PTPN11: variants seen among roughly 807,000 people sequenced by gnomAD.
PTPN11 encodes protein tyrosine phosphatase non-receptor type 11, also known as tyrosine-protein phosphatase non-receptor type 11.
A neutral mutation model predicts 78.8 loss-of-function variants in PTPN11; 6 were observed. The ratio of observed to expected loss-of-function variants is 0.08; its 90% CI spans 0.04 to 0.15. The LOEUF is 0.15. Among genes scored for constraint, PTPN11 ranks in the 10% least tolerant of loss-of-function variants. The pLI, the probability that PTPN11 is intolerant of heterozygous loss-of-function variation, is 1.00. For missense variants in PTPN11, 386 were observed against 744.8 expected, an observed-to-expected ratio of 0.52 and a Z score of 5.61; for synonymous variants, 221 against 263.5, an observed-to-expected ratio of 0.84 and a Z score of 1.56.
At chr12:112,472,433 T>C (rs907361713) in intron 6 of PTPN11, among the ~76,000 whole-genome samples, 2 of 152,260 alleles carry the variant, frequency 1.3e-5, no homozygotes, top group East Asian at 1.9e-4. Flanking sequence ...AACATTCTTT[T>C]GTATGAACAA....
intron 1 of PTPN11, among the ~76,000 whole-genome samples, chr12:112,426,064 C>G (rs990691142): frequency 4.6e-5 from 7 of 152,168 alleles, no homozygotes; most frequent in Admixed American, 2.0e-4. Flanking sequence ...GACTGTTTCC[C>G]CACATCACTG....
intron 6 of PTPN11, among the ~76,000 whole-genome samples, chr12:112,470,216 G>C (rs921309685): frequency 6.6e-6 from 1 of 152,220 alleles, no homozygotes; most frequent in African/African-American, 2.4e-5. Context: ...ATTCTAACCA[G>C]CTCCCAGGTG....
At chr12:112,432,698 G>T (rs919853972) in intron 1 of PTPN11, among the ~76,000 whole-genome samples, 1 of 151,040 alleles carries the variant, frequency 6.6e-6, no homozygotes, top group Non-Finnish European at 1.5e-5. Flanking sequence ...AATATTATGG[G>T]CCCAGCCACA....
chr12:112,450,912 C>T (rs1299853524), intron 3 of PTPN11, among the ~76,000 whole-genome samples: 2 of 152,202 alleles, frequency 1.3e-5, no homozygotes, highest in East Asian at 1.9e-4. Context: ...ATGTCACCAA[C>T]AGATGTCAGT....
chr12:112,467,227 C>T (rs2135887146), intron 6 of PTPN11, among the ~76,000 whole-genome samples: 1 of 152,286 alleles, frequency 6.6e-6, no homozygotes, highest in East Asian at 1.9e-4. Flanking sequence ...TGGATCAGGA[C>T]ATTGACTTTC....
chr12:112,485,813 G>A (rs1388908832), intron 10 of PTPN11, among the ~76,000 whole-genome samples: 2 of 151,618 alleles, frequency 1.3e-5, no homozygotes, highest in Non-Finnish European at 2.9e-5. Context: ...AAACCCCATC[G>A]CTACTAAAAA....
chr12:112,476,400 TAA>T (rs1352029994), intron 7 of PTPN11, among the ~76,000 whole-genome samples: 1 of 152,166 alleles, frequency 6.6e-6, no homozygotes, highest in African/African-American at 2.4e-5. Flanking sequence ...TTTATACGAA[TAA>T]TAGACTTTTG....
At chr12:112,451,723 A>T (rs1436011675) in intron 3 of PTPN11, among the ~76,000 whole-genome samples, 1 of 152,220 alleles carries the variant, frequency 6.6e-6, no homozygotes, top group East Asian at 1.9e-4. Flanking sequence ...AAGACACTGG[A>T]GGCTGTTGAA....
chr12:112,436,688 C>T (rs1203367841), intron 1 of PTPN11, among the ~76,000 whole-genome samples: 1 of 148,342 alleles, frequency 6.7e-6, no homozygotes, highest in African/African-American at 2.5e-5. Context: ...CATTTCATTG[C>T]TTTTATAATA....
At chr12:112,499,543 T>C (rs536556729) in intron 13 of PTPN11, among the ~76,000 whole-genome samples, 3 of 152,232 alleles carry the variant, frequency 2.0e-5, no homozygotes, top group South Asian at 2.1e-4. Context: ...TGTCACCATG[T>C]TGGCCAGGTT....
intron 1 of PTPN11, among the ~76,000 whole-genome samples, chr12:112,438,169 T>G (rs2037823568): frequency 6.6e-6 from 1 of 152,168 alleles, no homozygotes; most frequent in Admixed American, 6.6e-5. Context: ...CAGAATGCTC[T>G]TCTTTTGCAC....
intron 10 of PTPN11, among the ~76,000 whole-genome samples, chr12:112,484,020 G>A (rs1025034115): frequency 1.3e-5 from 2 of 152,092 alleles, no homozygotes; most frequent in Non-Finnish European, 2.9e-5. Flanking sequence ...GTCGTGGATG[G>A]ATCAGTTTTG....
chr12:112,473,372 T>G (rs1467901131), intron 7 of PTPN11, among the ~76,000 whole-genome samples: 1 of 152,170 alleles, frequency 6.6e-6, no homozygotes, highest in Non-Finnish European at 1.5e-5. Flanking sequence ...GCCAGATTTG[T>G]GTCTTGACTC....
At chr12:112,452,522 G>A (rs1321123572) in intron 3 of PTPN11, among the ~76,000 whole-genome samples, 4 of 151,702 alleles carry the variant, frequency 2.6e-5, no homozygotes, top group African/African-American at 9.7e-5. Context: ...CACCACGTCC[G>A]GCCGACTTTT....
rs2135856472 is a variant in PTPN11, at chr12:112,446,360, T to C, written c.99T>C (p.Pro33=). 1 of 1,614,168 alleles carries C rather than the reference T, an allele frequency of 6.2e-7. No homozygotes were observed. The highest frequency in any genetic ancestry group is 8.5e-7 in the Non-Finnish European group (1 of 1,180,024). ...RGVDGSFLAR[P]SKSNPGDFTL... is the part of the protein sequence containing the mutation. Reference sequence around the variant, plus strand: ...TTGATGGCAGTTTTTTGGCAAGGCCTAGTAAAAGTAACCCTGGAGACTTCA... The same window carrying C: ...TTGATGGCAGTTTTTTGGCAAGGCCCAGTAAAAGTAACCCTGGAGACTTCA... The change falls in exon 2 of 16, where the codon CCT becomes CCC. Residue 33 remains proline (P), a synonymous_variant. Coordinates refer to ENST00000351677, the MANE Select transcript of PTPN11 (RefSeq NM_002834.5).
intron 6 of PTPN11, among the ~76,000 whole-genome samples, chr12:112,468,263 G>A (rs1235942482): frequency 2.6e-5 from 4 of 152,184 alleles, no homozygotes; most frequent in African/African-American, 9.7e-5. Flanking sequence ...TGTGCCCTAG[G>A]GACTGCTGGT....
intron 1 of PTPN11, among the ~76,000 whole-genome samples, chr12:112,434,973 G>T (rs980834718): frequency 6.6e-6 from 1 of 151,958 alleles, no homozygotes; most frequent in Non-Finnish European, 1.5e-5. Flanking sequence ...TTTTAGTAGA[G>T]ATGGGGTTTC....
chr12:112,480,612 G>A (rs1053479377), intron 9 of PTPN11, among the ~76,000 whole-genome samples: 1 of 151,854 alleles, frequency 6.6e-6, no homozygotes, highest in Non-Finnish European at 1.5e-5. Context: ...TGATCCACCC[G>A]GCTTCCCAAA....
intron 1 of PTPN11, among the ~76,000 whole-genome samples, chr12:112,439,142 G>T (rs1214033584): frequency 1.3e-5 from 2 of 152,060 alleles, no homozygotes; most frequent in Non-Finnish European, 2.9e-5. Flanking sequence ...TGTAGCCCAG[G>T]GTCACAGAGA....
Sources: gnomAD v4.1 joint callset for allele counts (sites outside exome capture counted in the v4.1 genomes callset) on GRCh38, gnomAD v4.1.1 for gene constraint, MANE v1.5 for transcripts, NCBI Gene and HGNC (gene_info 2026-07-23, HGNC 2026-07-21) for gene names.